Variants in NTSR1 observed in about 807,000 individuals in gnomAD.
The protein encoded by NTSR1 is neurotensin receptor 1, also known as neurotensin receptor type 1.
Under a neutral mutation model 31.2 loss-of-function variants are expected in NTSR1, and 29 were observed. That is an observed-to-expected ratio of 0.93 (90% confidence interval 0.69 to 1.27). NTSR1 has a LOEUF of 1.27. Ranked by LOEUF, NTSR1 falls within the 50% of genes most tolerant of loss-of-function variation. The pLI is 0.00. For synonymous variants in NTSR1, 282 were observed against 269.9 expected (o/e 1.04, Z -0.44); for missense variants, 697 against 595.4 (o/e 1.17, Z -1.78).
chr20:62,723,699 T>A (rs994855325), intron 1 of NTSR1, among the ~76,000 whole-genome samples: 10 of 151,908 alleles, frequency 6.6e-5, no homozygotes, highest in Non-Finnish European at 1.0e-4. Flanking sequence ...GGGACAGAGG[T>A]CTTTCCAGCC....
At chr20:62,712,480 G>A (rs1297640875) in intron 1 of NTSR1, among the ~76,000 whole-genome samples, 1 of 152,230 alleles carries the variant, frequency 6.6e-6, no homozygotes, top group Non-Finnish European at 1.5e-5. Flanking sequence ...GTGGTTCAGT[G>A]ATAACACTTT....
At chr20:62,757,186 C>A (rs1292303394) in intron 2 of NTSR1, among the ~76,000 whole-genome samples, 1 of 152,152 alleles carries the variant, frequency 6.6e-6, no homozygotes, top group African/African-American at 2.4e-5. Context: ...ATGTTTTCTC[C>A]TAGGAGTTTT....
At chr20:62,727,746 G>C (rs2147137182) in intron 1 of NTSR1, among the ~76,000 whole-genome samples, 1 of 152,362 alleles carries the variant, frequency 6.6e-6, no homozygotes, top group Admixed American at 6.5e-5. Flanking sequence ...GCAGCCCCTG[G>C]ATCAGCAAAT....
At chr20:62,747,751 C>A (rs541531505) in intron 1 of NTSR1, among the ~76,000 whole-genome samples, 13 of 147,628 alleles carry the variant, frequency 8.8e-5, no homozygotes, top group Admixed American at 4.0e-4. Flanking sequence ...CTAAAGACTC[C>A]ACAAAAACAA....
intron 1 of NTSR1, among the ~76,000 whole-genome samples, chr20:62,731,378 C>G (rs1232881447): frequency 1.3e-5 from 2 of 152,160 alleles, no homozygotes; most frequent in African/African-American, 4.8e-5. Context: ...GCCACCACGC[C>G]CAGCCGTGTA....
chr20:62,725,667 G>A (rs754143686), intron 1 of NTSR1, among the ~76,000 whole-genome samples: 11 of 152,200 alleles, frequency 7.2e-5, no homozygotes, highest in South Asian at 2.1e-4. Flanking sequence ...TGCTGGGTCC[G>A]TCTGACAGTG....
intron 1 of NTSR1, among the ~76,000 whole-genome samples, chr20:62,722,910 C>G (rs547307860): frequency 6.6e-6 from 1 of 152,236 alleles, no homozygotes; most frequent in African/African-American, 2.4e-5. Context: ...GGCTTGGGCT[C>G]AAAGGAATTA....
chr20:62,736,208 C>T (rs1989089396), intron 1 of NTSR1, among the ~76,000 whole-genome samples: 1 of 152,214 alleles, frequency 6.6e-6, no homozygotes, highest in Non-Finnish European at 1.5e-5. Flanking sequence ...TGGGGATTCT[C>T]TGCACTTGCC....
intron 1 of NTSR1, among the ~76,000 whole-genome samples, chr20:62,729,554 A>G (rs1324090259): frequency 6.6e-6 from 1 of 151,998 alleles, no homozygotes; most frequent in Non-Finnish European, 1.5e-5. Context: ...TGCAGACCCC[A>G]AGGCTCACCC....
chr20:62,713,440 T>C (rs938510494), intron 1 of NTSR1, among the ~76,000 whole-genome samples: 3 of 152,150 alleles, frequency 2.0e-5, no homozygotes, highest in Admixed American at 1.3e-4. Flanking sequence ...CGTTCAGGGC[T>C]GGCAGAATTC....
rs924785063 is a variant in NTSR1 at position 62,762,120 on chromosome 20, T to A, written c.*1853T>A. 1.3e-5 allele frequency: 2 copies of A among 152,116 alleles called. No individual in the cohort carries two copies. Among genetic ancestry groups the A allele is most frequent in the Admixed American group, 6.5e-5 (1 of 15,274 alleles). The allele number at this position is 152,116 out of a possible 1,614,324, so 9.4% of individuals were successfully genotyped here. A position where few individuals can be genotyped will look rare whatever the true frequency, so the allele number is the denominator to read the frequency against. On this transcript the variant is annotated 3_prime_UTR_variant, in exon 4 of 4. Coordinates refer to ENST00000370501, the MANE Select transcript of NTSR1 (RefSeq NM_002531.3). The stretch of plus-strand genomic sequence containing the variant: ...TGCAGCCCCTACCCCTGCTCAGGAG[T>A]GGGCTCAGAGTCTAGCAAATGCTAA...
intron 1 of NTSR1, among the ~76,000 whole-genome samples, chr20:62,729,563 C>G (rs1007637997): frequency 6.6e-6 from 1 of 152,074 alleles, no homozygotes; most frequent in African/African-American, 2.4e-5. Context: ...CAAGGCTCAC[C>G]CCAGACCAAC....
At chr20:62,734,413 AC>A in intron 1 of NTSR1, among the ~76,000 whole-genome samples, 1 of 152,006 alleles carries the variant, frequency 6.6e-6, no homozygotes, top group East Asian at 1.9e-4. Flanking sequence ...CCCTTGTCTT[AC>A]CCAGGCTTCA....
At chr20:62,726,694 C>CAAAA (rs11445641) in intron 1 of NTSR1, among the ~76,000 whole-genome samples, 3 of 142,560 alleles carry the variant, frequency 2.1e-5, no homozygotes, top group East Asian at 2.1e-4. Context: ...GAACCTGTCT[C>CAAAA]AAAAAAAAAA....
At chr20:62,722,704 C>G (rs550131099) in intron 1 of NTSR1, among the ~76,000 whole-genome samples, 4 of 152,242 alleles carry the variant, frequency 2.6e-5, no homozygotes, top group Non-Finnish European at 4.4e-5. Flanking sequence ...GATGGGCTCA[C>G]CTTGTGAGTA....
intron 1 of NTSR1, among the ~76,000 whole-genome samples, chr20:62,731,374 A>G (rs2147138538): frequency 6.6e-6 from 1 of 152,256 alleles, no homozygotes; most frequent in Non-Finnish European, 1.5e-5. Flanking sequence ...GTGAGCCACC[A>G]CGCCCAGCCG....
At position 62,761,779 on chromosome 20, in the gene NTSR1, T is replaced by G. The variant is rs1600741364; in HGVS notation, c.*1512T>G. 1 of 152,214 alleles carries G rather than the reference T, an allele frequency of 6.6e-6. No homozygotes were observed. The highest frequency in any genetic ancestry group is 1.5e-5 in the Non-Finnish European group (1 of 68,050). 9.4% of individuals were successfully genotyped at this position (152,214 alleles called of 1,614,324 possible). ...GAGAAATGAGAGTCGAATGCTACAG[T>G]ATCTGCAGTCGCTTGGATCTGGCTG... On this transcript the variant is annotated 3_prime_UTR_variant, in exon 4 of 4. Transcript: ENST00000370501.
chr20:62,717,770 A>G (rs982297264), intron 1 of NTSR1, among the ~76,000 whole-genome samples: 5 of 150,228 alleles, frequency 3.3e-5, no homozygotes, highest in Non-Finnish European at 7.4e-5. Flanking sequence ...TTCACTGAAC[A>G]CCTACCACAT....
intron 3 of NTSR1, among the ~76,000 whole-genome samples, chr20:62,759,106 G>A (rs1989564856): frequency 6.6e-6 from 1 of 152,244 alleles, no homozygotes; most frequent in Non-Finnish European, 1.5e-5. Context: ...TTTCTGTGCA[G>A]TGGGGCTGCC....
Sources: gnomAD v4.1 joint callset for allele counts (sites outside exome capture counted in the v4.1 genomes callset) on GRCh38, gnomAD v4.1.1 for gene constraint, MANE v1.5 for transcripts, NCBI Gene and HGNC (gene_info 2026-07-23, HGNC 2026-07-21) for gene names.